Variants in RNF24 observed in about 807,000 individuals in gnomAD.
RNF24 encodes ring finger protein 24.
A neutral mutation model predicts 20.0 loss-of-function variants in RNF24; 14 were observed. The observed-to-expected ratio is 0.70, with a 90% confidence interval of 0.46 to 1.10. The LOEUF (loss-of-function observed/expected upper bound fraction) is 1.10. Ranked by LOEUF, RNF24 falls within the 50% of genes least tolerant of loss-of-function variation. RNF24 has a pLI of 0.00. For missense variants in RNF24, 124 were observed against 177.6 expected (o/e 0.70, Z 1.71); for synonymous variants, 45 against 61.1 (o/e 0.74, Z 1.23).
intron 1 of RNF24, among the ~76,000 whole-genome samples, chr20:3,983,873 GGAGGCTGCAGT>G (rs985727884): frequency 6.6e-6 from 1 of 150,392 alleles, no homozygotes; most frequent in South Asian, 2.1e-4. Context: ...CCCAGGAGGT[GGAGGCTGCAGT>G]GAGCCGAGAT....
At chr20:3,982,241 C>T (rs1979475096) in intron 1 of RNF24, among the ~76,000 whole-genome samples, 2 of 151,938 alleles carry the variant, frequency 1.3e-5, no homozygotes, top group Admixed American at 1.3e-4. Context: ...TATCTGTCCC[C>T]TCCCAAACTC....
At chr20:3,996,191 A>C (rs1393737287) in intron 1 of RNF24, among the ~76,000 whole-genome samples, 1 of 152,110 alleles carries the variant, frequency 6.6e-6, no homozygotes, top group African/African-American at 2.4e-5. Context: ...GGGCTCACAG[A>C]CTCACTGGAA....
intron 3 of RNF24, among the ~76,000 whole-genome samples, chr20:3,946,267 G>A (rs6139252): frequency 6.6e-6 from 1 of 152,000 alleles, no homozygotes; most frequent in Non-Finnish European, 1.5e-5. Flanking sequence ...AGGAGTTTAA[G>A]ACCAGCCTAG....
chr20:3,939,015 C>T (rs241619), intron 4 of RNF24, among the ~76,000 whole-genome samples: 48,285 of 151,588 alleles, frequency 0.32, 8,332 homozygotes, highest in African/African-American at 0.46. Context: ...GGCCTCCCAA[C>T]GTGTTGGGAT....
At position 3,933,135 on chromosome 20, in the gene RNF24, G is replaced by A. The variant is rs1024087467; in HGVS notation, c.*928C>T. 4 of 397,808 alleles carry A rather than the reference G, an allele frequency of 1.0e-5. No individual in the cohort carries two copies. The highest frequency in any genetic ancestry group is 8.3e-5 in the African/African-American group (4 of 48,358). The allele number at this position is 397,808 out of a possible 1,614,324, so 24.6% of individuals were successfully genotyped here. ...GCAAGAGAGAGAAGAGATGGAAGGAGGGGGAGAGGCCAAAGGGTCGGCATT... is the reference window on the plus strand; with the variant it reads ...GCAAGAGAGAGAAGAGATGGAAGGAAGGGGAGAGGCCAAAGGGTCGGCATT... On this transcript the variant is annotated 3_prime_UTR_variant, in exon 6 of 6. Transcript: ENST00000358395.
At chr20:3,974,468 G>A (rs762686907) in intron 1 of RNF24, 30 of 1,369,662 alleles carry the variant, frequency 2.2e-5, no homozygotes, top group Non-Finnish European at 2.9e-5. Context: ...AAATTAAACT[G>A]AGCCTATTTG....
intron 1 of RNF24, among the ~76,000 whole-genome samples, chr20:3,977,471 AG>A (rs1181093114): frequency 2.6e-5 from 4 of 152,154 alleles, no homozygotes; most frequent in African/African-American, 9.7e-5. Context: ...AAGGGGAAGA[AG>A]GGGGGTCATA....
At position 4,013,642 on chromosome 20, in the gene RNF24, C is replaced by T. The variant is rs570064942; in HGVS notation, c.-8+1795G>A. On this transcript the variant is annotated intron_variant, in intron 1 of 5. Coordinates refer to ENST00000358395, the MANE Select transcript of RNF24 (RefSeq NM_001134337.3). ...AATTACAGGCGCTCGCCACCATGCC[C>T]GGCTAATTTTTTGTATTTTTTTAGT... Among the ~76,000 whole-genome samples, 6 of 152,084 alleles carry T rather than the reference C, an allele frequency of 3.9e-5. No homozygotes were observed. In the South Asian group the frequency reaches 6.2e-4, roughly 16 times the overall value.
At chr20:3,987,022 C>T (rs1426470427) in intron 1 of RNF24, among the ~76,000 whole-genome samples, 1 of 152,194 alleles carries the variant, frequency 6.6e-6, no homozygotes, top group African/African-American at 2.4e-5. Context: ...ATCCTCTTAC[C>T]CTGGCTTCCT....
chr20:3,950,061 GAC>G (rs1157401889), intron 2 of RNF24, among the ~76,000 whole-genome samples: 1 of 152,154 alleles, frequency 6.6e-6, no homozygotes, highest in Non-Finnish European at 1.5e-5. Flanking sequence ...GCACTGCAGT[GAC>G]ACATCTGTTG....
chr20:3,941,085 G>A (rs184520529), intron 4 of RNF24, among the ~76,000 whole-genome samples: 14 of 152,228 alleles, frequency 9.2e-5, no homozygotes, highest in Admixed American at 3.9e-4. Flanking sequence ...GTGCAGTGGC[G>A]CAATCAAGGC....
At chr20:3,996,973 C>T (rs1007623283) in intron 1 of RNF24, among the ~76,000 whole-genome samples, 2 of 152,008 alleles carry the variant, frequency 1.3e-5, no homozygotes, top group Non-Finnish European at 2.9e-5. Flanking sequence ...GTAATCCCAG[C>T]ACTTTGAGAG....
At chr20:4,014,405 T>G (rs183821318) in intron 1 of RNF24, among the ~76,000 whole-genome samples, 66 of 152,292 alleles carry the variant, frequency 4.3e-4, no homozygotes, top group African/African-American at 1.5e-3. Flanking sequence ...ATAGACATGT[T>G]TATGAGCATT....
At position 3,933,508 on chromosome 20, in the gene RNF24, T is replaced by C. The variant is rs2090850766; in HGVS notation, c.*555A>G. On this transcript the variant is annotated 3_prime_UTR_variant, in exon 6 of 6. Transcript: ENST00000358395. ...AGGTGTTGTAATCCTGAGGGGGAAA[T>C]GGGTGACGAGGAACACTGCTACTCA... is the stretch of plus-strand genomic sequence containing the variant. 1 of 237,886 alleles carries C rather than the reference T, an allele frequency of 4.2e-6. No homozygotes were observed. The highest frequency in any genetic ancestry group is 8.2e-5 in the East Asian group (1 of 12,266). The allele number at this position is 237,886 out of a possible 1,614,324, so 14.7% of individuals were successfully genotyped here. A position where few individuals can be genotyped will look rare whatever the true frequency, so the allele number is the denominator to read the frequency against.
At chr20:3,964,094 C>G (rs2091232796) in intron 1 of RNF24, 70 bp from the exon 2 acceptor site, 1 of 1,394,490 alleles carries the variant, frequency 7.2e-7, no homozygotes. Flanking sequence ...TATCATTGTG[C>G]ACGTATAGAG....
chr20:3,973,300 C>T (rs1600675892), intron 1 of RNF24, among the ~76,000 whole-genome samples: 1 of 151,664 alleles, frequency 6.6e-6, no homozygotes, highest in African/African-American at 2.4e-5. Flanking sequence ...ACTAAACGCA[C>T]ACATAAGAAA....
chr20:3,962,434 A>C (rs1249696722), intron 2 of RNF24, among the ~76,000 whole-genome samples: 1 of 152,198 alleles, frequency 6.6e-6, no homozygotes, highest in African/African-American at 2.4e-5. Context: ...AAAAAGTGTA[A>C]CACAAAAATA....
rs1386837710 is a variant in RNF24 at position 3,932,284 on chromosome 20, G to T, written c.*1779C>A. ...TAGAGAATGCAAAAAGACGGTGAAA[G>T]TAGGAGTGCATAAATAGTTTTTTTC... On this transcript the variant is annotated 3_prime_UTR_variant, in exon 6 of 6. Coordinates refer to ENST00000358395, the MANE Select transcript of RNF24 (RefSeq NM_001134337.3). 2 of 152,226 alleles carry T rather than the reference G, an allele frequency of 1.3e-5. No individual in the cohort carries two copies. The highest frequency in any genetic ancestry group is 2.9e-5 in the Non-Finnish European group (2 of 68,048). The allele number at this position is 152,226 out of a possible 1,614,324, so 9.4% of individuals were successfully genotyped here.
At position 3,933,968 on chromosome 20, in the gene RNF24, G is replaced by A. The variant is rs1419526985; in HGVS notation, c.*95C>T. 19 of 1,223,390 alleles carry A rather than the reference G, an allele frequency of 1.6e-5. No individual in the cohort carries two copies. The highest frequency in any genetic ancestry group is 1.7e-5 in the Non-Finnish European group (16 of 932,948). 75.8% of individuals were successfully genotyped at this position (1,223,390 alleles called of 1,614,324 possible). On this transcript the variant is annotated 3_prime_UTR_variant, in exon 6 of 6. Coordinates refer to ENST00000358395, the MANE Select transcript of RNF24 (RefSeq NM_001134337.3). Reference sequence around the variant, plus strand: ...TGAGGCAAAAGAAGTGGCAGCTGGTGTCCTAGGTAGAGAGCAGCCATACAG... The same window carrying A: ...TGAGGCAAAAGAAGTGGCAGCTGGTATCCTAGGTAGAGAGCAGCCATACAG...
Sources: gnomAD v4.1 joint callset for allele counts (sites outside exome capture counted in the v4.1 genomes callset) on GRCh38, gnomAD v4.1.1 for gene constraint, MANE v1.5 for transcripts, NCBI Gene and HGNC (gene_info 2026-07-23, HGNC 2026-07-21) for gene names.